PDE1B: variants seen among roughly 807,000 people sequenced by gnomAD.
PDE1B encodes dual specificity calcium/calmodulin-dependent 3',5'-cyclic nucleotide phosphodiesterase 1B.
PDE1B carries 13 observed loss-of-function variants against 66.7 expected under a neutral mutation model. The ratio of observed to expected loss-of-function variants is 0.19; its 90% CI spans 0.13 to 0.31. The LOEUF (loss-of-function observed/expected upper bound fraction) is 0.31. PDE1B is among the 10% of genes least tolerant of loss of function. The pLI, the probability that PDE1B is intolerant of heterozygous loss-of-function variation, is 1.00. For synonymous variants in PDE1B, 230 were observed against 253.9 expected, an observed-to-expected ratio of 0.91 and a Z score of 0.90; for missense variants, 485 against 682.3, an observed-to-expected ratio of 0.71 and a Z score of 3.22.
intron 2 of PDE1B, among the ~76,000 whole-genome samples, chr12:54,557,698 C>T (rs780308836): frequency 2.6e-5 from 4 of 152,220 alleles, no homozygotes; most frequent in Non-Finnish European, 5.9e-5. Flanking sequence ...AGACTACCTT[C>T]AACATCTGTT....
In PDE1B at chr12:54,549,844, T is replaced by A. The variant is rs1488084273; in HGVS notation, c.-13-16T>A. 5 of 1,560,732 alleles carry A rather than the reference T, an allele frequency of 3.2e-6. No homozygotes were observed. The highest frequency in any genetic ancestry group is 3.5e-6 in the Non-Finnish European group (4 of 1,132,898). On this transcript the variant is annotated splice_polypyrimidine_tract_variant and intron_variant, in intron 1 of 15. Transcript: ENST00000243052. ...GAAGCTGAGCCGAGGTGCTGTCTCC[T>A]CCTTCTGTTCCGTAGACCGTGGCTG...
intron 5 of PDE1B, 141 bp from the exon 6 acceptor site, chr12:54,570,100 T>C (rs1957590466): frequency 1.1e-5 from 7 of 651,328 alleles, no homozygotes; most frequent in South Asian, 1.1e-4. Flanking sequence ...CTGAGAGATA[T>C]ATGGGAAGAA....
In PDE1B at chr12:54,575,001, G is replaced by C. The variant is rs1957706509; in HGVS notation, c.1065-97G>C. On this transcript the variant is annotated intron_variant, in intron 10 of 15. Coordinates refer to ENST00000243052, the MANE Select transcript of PDE1B (RefSeq NM_000924.4). The surrounding 1 kb of genome is among the most constrained non-coding windows in gnomAD (Gnocchi z 4.0). ...AAAAAAAAAAAAAAAAAAGGAAGAA[G>C]TTATGTGATAGGGTGTGCGTGGGAA... 2.6e-6 allele frequency: 2 copies of C among 780,458 alleles called. No individual in the cohort carries two copies. The highest frequency in any genetic ancestry group is 4.0e-6 in the Non-Finnish European group (2 of 494,902). The allele number at this position is 780,458 out of a possible 1,614,324, so 48.3% of individuals were successfully genotyped here. A position where few individuals can be genotyped will look rare whatever the true frequency, so the allele number is the denominator to read the frequency against.
intron 2 of PDE1B, 63 bp downstream of exon 2, chr12:54,550,048 G>A (rs1957253135): frequency 6.4e-7 from 1 of 1,571,464 alleles, no homozygotes; most frequent in Non-Finnish European, 8.6e-7. Flanking sequence ...GAGGAGGAGG[G>A]GGGATAACTG....
At chr12:54,553,952 A>T (rs925134186) in intron 2 of PDE1B, among the ~76,000 whole-genome samples, 2 of 152,148 alleles carry the variant, frequency 1.3e-5, no homozygotes, top group Non-Finnish European at 2.9e-5. Context: ...CTCCATGAAG[A>T]TGTGTCTGTT....
In PDE1B at chr12:54,569,587, C is replaced by G; in HGVS notation, c.452C>G (p.Ser151Cys). Residue 151 changes from serine to cysteine, a missense_variant, in exon 5 of 16, where the codon TCT becomes TGT. Transcript: ENST00000243052. The surrounding 1 kb of genome is among the most constrained non-coding windows in gnomAD (Gnocchi z 4.4). ...RTYTSVGPTYSTAVLNCLKNL... is the reference protein window; with the variant it reads ...RTYTSVGPTYCTAVLNCLKNL... ...TACACCTCTGTGGGCCCCACTTACT[C>G]TACTGCGGTTCTCAACTGTCTCAAG... 6.2e-7 allele frequency: 1 copy of G among 1,613,722 alleles called. No homozygotes were observed. Among genetic ancestry groups the G allele is most frequent in the Non-Finnish European group, 8.5e-7 (1 of 1,179,584 alleles).
At chr12:54,554,184 T>C (rs1467432067) in intron 2 of PDE1B, 1 of 152,168 alleles carries the variant, frequency 6.6e-6, no homozygotes, top group Non-Finnish European at 1.5e-5. Flanking sequence ...GCCTCATTGG[T>C]TTAACCCTGG....
intron 2 of PDE1B, among the ~76,000 whole-genome samples, chr12:54,559,876 C>T (rs1241499232): frequency 6.6e-6 from 1 of 152,166 alleles, no homozygotes; most frequent in East Asian, 1.9e-4. Context: ...CATCTGCCCC[C>T]ACTCTCAGCC....
chr12:54,570,432 C>A (rs780730821), intron 6 of PDE1B, 75 bp downstream of exon 6: 3 of 849,304 alleles, frequency 3.5e-6, no homozygotes, highest in Non-Finnish European at 6.2e-6. Context: ...AGCCTCCCAA[C>A]AAACAGATTC....
In PDE1B at chr12:54,569,996, G is replaced by A. The variant is rs1161490025; in HGVS notation, c.478-245G>A. 2.0e-5 allele frequency among the ~76,000 whole-genome samples: 3 copies of A among 152,124 alleles called. No homozygotes were observed. The highest frequency in any genetic ancestry group is 2.1e-4 in the South Asian group (1 of 4,826). On this transcript the variant is annotated intron_variant, in intron 5 of 15. Transcript: ENST00000243052. This position sits in a 1 kb window ranked among gnomAD's most constrained non-coding sequence, Gnocchi z 4.4. ...ATTACAGACGTGAGCCACTGCGCCC[G>A]GCCTGCCTTCCCTTTTAACTGTTGT... is the stretch of plus-strand genomic sequence containing the variant.
At chr12:54,563,367 C>T (rs1957454621) in intron 2 of PDE1B, among the ~76,000 whole-genome samples, 1 of 152,220 alleles carries the variant, frequency 6.6e-6, no homozygotes, top group Admixed American at 6.5e-5. Context: ...AGTTGTAGGC[C>T]TTGACAACCT....
chr12:54,567,364 A>G (rs1298811066), intron 3 of PDE1B, among the ~76,000 whole-genome samples: 1 of 151,760 alleles, frequency 6.6e-6, no homozygotes, highest in African/African-American at 2.4e-5. Flanking sequence ...TTAGCCAGGC[A>G]TGGTGGCATG....
At chr12:54,570,622 C>T (rs746247457) in intron 6 of PDE1B, 24 of 428,188 alleles carry the variant, frequency 5.6e-5, no homozygotes, top group Middle Eastern at 6.7e-4. Flanking sequence ...TTGCTTTTTT[C>T]CCCCAACTTG....
intron 6 of PDE1B, chr12:54,572,395 T>G (rs1957632182): frequency 1.6e-6 from 1 of 618,746 alleles, no homozygotes; most frequent in African/African-American, 1.8e-5. Flanking sequence ...ATTAAGTATC[T>G]GAGGCACAGA....
At chr12:54,552,099 G>A (rs1256720901) in intron 2 of PDE1B, among the ~76,000 whole-genome samples, 1 of 152,186 alleles carries the variant, frequency 6.6e-6, no homozygotes, top group Non-Finnish European at 1.5e-5. Context: ...TGAAATCAAG[G>A]TAGATCCCAA....
Position 54,570,296 on chromosome 12 carries a change from A to G in PDE1B, c.533A>G (p.His178Arg). 1 of 1,613,954 alleles carries G rather than the reference A, an allele frequency of 6.2e-7. No individual in the cohort carries two copies. Among genetic ancestry groups the G allele is most frequent in the Non-Finnish European group, 8.5e-7 (1 of 1,179,864 alleles). ...VFSLNQAADD[H>R]ALRTIVFELL... Reference sequence around the variant, plus strand: ...TCCTTGAACCAGGCAGCAGATGACCATGCCCTGAGGACCATTGTTTTTGAG... The same window carrying G: ...TCCTTGAACCAGGCAGCAGATGACCGTGCCCTGAGGACCATTGTTTTTGAG... Residue 178 changes from histidine (H) to arginine (R), a missense_variant, in exon 6 of 16, where the codon CAT becomes CGT. Coordinates refer to ENST00000243052, the MANE Select transcript of PDE1B (RefSeq NM_000924.4).
In PDE1B at chr12:54,579,149, C is replaced by T. The variant is rs1257939178; in HGVS notation, c.*1307C>T. ...CTGGTACTTCCACCCTACCCCACCC[C>T]GAGAAGGGCAGAGACGCATGTGACT... On this transcript the variant is annotated 3_prime_UTR_variant, in exon 16 of 16. Transcript: ENST00000243052. 14 of 656,568 alleles carry T rather than the reference C, an allele frequency of 2.1e-5. No homozygotes were observed. The East Asian group carries it at 6.9e-4, about 32-fold the overall frequency. 40.7% of individuals were successfully genotyped at this position (656,568 alleles called of 1,614,324 possible).
At chr12:54,559,082 G>A (rs1430064732) in intron 2 of PDE1B, among the ~76,000 whole-genome samples, 1 of 152,098 alleles carries the variant, frequency 6.6e-6, no homozygotes, top group Admixed American at 6.5e-5. Flanking sequence ...TTTCAACTGA[G>A]CTAGCCAGAA....
At position 54,569,507 on chromosome 12, in the gene PDE1B, A is replaced by G. The variant is rs1219225356; in HGVS notation, c.411-39A>G. On this transcript the variant is annotated intron_variant, in intron 4 of 15. Transcript: ENST00000243052. The surrounding 1 kb of genome is among the most constrained non-coding windows in gnomAD (Gnocchi z 4.4). ...CAGCTGGCCACACCTCCACTCCCAG[A>G]CCTTCATATGTGGGCTTCTTCTCAT... The G allele has an allele frequency of 1.1e-5, 17 of 1,598,108 alleles. No homozygotes were observed. Among genetic ancestry groups the G allele is most frequent in the African/African-American group, 1.3e-5 (1 of 74,446 alleles).
Sources: gnomAD v4.1 joint callset for allele counts (sites outside exome capture counted in the v4.1 genomes callset) on GRCh38, gnomAD v4.1.1 for gene constraint, Gnocchi (gnomAD v3.1) non-coding constraint, MANE v1.5 for transcripts, NCBI Gene and HGNC (gene_info 2026-07-23, HGNC 2026-07-21) for gene names.